The following GRID2 variants were observed in gnomAD, a reference collection of about 807,000 sequenced individuals.
GRID2 encodes glutamate receptor ionotropic, delta-2.
Under a neutral mutation model 114.8 loss-of-function variants are expected in GRID2, and 33 were observed. That is an observed-to-expected ratio of 0.29 (90% CI 0.22 to 0.38). The LOEUF is 0.38. Ranked by LOEUF, GRID2 falls within the 10% of genes least tolerant of loss-of-function variation. The pLI, the probability that GRID2 is intolerant of heterozygous loss-of-function variation, is 1.00. For missense variants in GRID2, 1,184 were observed against 1,257.7 expected (o/e 0.94, Z 0.89); for synonymous variants, 505 against 449.9 (o/e 1.12, Z -1.55).
chr4:92,449,695 ATATATATATATAT>A (rs1720794877), intron 1 of GRID2, among the ~76,000 whole-genome samples: 2 of 142,112 alleles, frequency 1.4e-5, no homozygotes, highest in African/African-American at 5.2e-5. Flanking sequence ...ATATATATAT[ATATATATATATAT>A]ATAACACTTA....
intron 1 of GRID2, among the ~76,000 whole-genome samples, chr4:92,394,629 TA>T (rs1264791123): frequency 3.9e-5 from 6 of 151,948 alleles, no homozygotes; most frequent in African/African-American, 1.4e-4. Flanking sequence ...CAATTAAACA[TA>T]AATTTCAAAA....
At chr4:93,752,564 G>T (rs1195256775) in intron 14 of GRID2, among the ~76,000 whole-genome samples, 2 of 152,012 alleles carry the variant, frequency 1.3e-5, no homozygotes, top group Admixed American at 6.6e-5. Context: ...TAGAGACAGG[G>T]TTTCACTGTG....
At chr4:93,056,069 A>G (rs1727206082) in intron 2 of GRID2, among the ~76,000 whole-genome samples, 1 of 151,958 alleles carries the variant, frequency 6.6e-6, no homozygotes, top group Non-Finnish European at 1.5e-5. Flanking sequence ...TGTGTGTTGC[A>G]GTGACATCTT....
rs562888485 is a variant in GRID2, at chr4:92,943,702, T to C, written c.245-141293T>C. Among the ~76,000 whole-genome samples, 3 of 152,256 alleles carry C rather than the reference T, an allele frequency of 2.0e-5. No homozygotes were observed. The South Asian group carries it at 6.2e-4, about 32-fold the overall frequency. On this transcript the variant is annotated intron_variant, in intron 2 of 15. Coordinates refer to ENST00000282020, the MANE Select transcript of GRID2 (RefSeq NM_001510.4). ...TTTCTGCTCTGTTTTTTCCCCATCT[T>C]TGTGGTTTTGTCTACTTTTGGTCTT...
intron 13 of GRID2, among the ~76,000 whole-genome samples, chr4:93,565,590 G>A (rs919207612): frequency 1.3e-5 from 2 of 152,026 alleles, no homozygotes; most frequent in Admixed American, 6.6e-5. Context: ...ATTTAAGAAC[G>A]AATCAATCTC....
At chr4:93,397,378 A>G (rs1357239077) in intron 9 of GRID2, among the ~76,000 whole-genome samples, 2 of 147,186 alleles carry the variant, frequency 1.4e-5, no homozygotes, top group Non-Finnish European at 3.1e-5. Flanking sequence ...TATTTAAAGT[A>G]CAGCAAATTA....
At chr4:93,397,851 G>A (rs1055855326) in intron 9 of GRID2, among the ~76,000 whole-genome samples, 3 of 151,804 alleles carry the variant, frequency 2.0e-5, no homozygotes, top group African/African-American at 7.3e-5. Flanking sequence ...TATGTAAGTA[G>A]TGGCTCTACC....
At chr4:93,552,252 G>C (rs933900340) in intron 13 of GRID2, among the ~76,000 whole-genome samples, 29 of 151,852 alleles carry the variant, frequency 1.9e-4, no homozygotes, top group African/African-American at 6.1e-4. Flanking sequence ...GTGTATATGT[G>C]CCACATTTTC....
intron 8 of GRID2, among the ~76,000 whole-genome samples, chr4:93,375,252 C>G (rs1014552574): frequency 7.1e-6 from 1 of 140,200 alleles, no homozygotes; most frequent in Non-Finnish European, 1.5e-5. Context: ...CTCACTCTAT[C>G]GCCCAGGCTG....
At chr4:93,792,261 T>C (rs1350585707) in intron 1 of GRID2, among the ~76,000 whole-genome samples, 1 of 152,148 alleles carries the variant, frequency 6.6e-6, no homozygotes, top group African/African-American at 2.4e-5. Context: ...TCTCTAACCC[T>C]TTCACCAATT....
At chr4:92,954,243 A>G (rs1052875333) in intron 2 of GRID2, among the ~76,000 whole-genome samples, 12 of 151,728 alleles carry the variant, frequency 7.9e-5, no homozygotes, top group Non-Finnish European at 1.8e-4. Context: ...ACATATATAT[A>G]TACAAACACA....
chr4:93,311,394 T>C (rs918855256), intron 8 of GRID2, among the ~76,000 whole-genome samples: 2 of 152,086 alleles, frequency 1.3e-5, no homozygotes, highest in African/African-American at 2.4e-5. Context: ...TAGGTCAGGG[T>C]ATGGATTAAC....
chr4:93,090,666 T>C (rs1168344973), intron 3 of GRID2, among the ~76,000 whole-genome samples: 2 of 152,174 alleles, frequency 1.3e-5, no homozygotes, highest in African/African-American at 2.4e-5. Flanking sequence ...TATATTATCT[T>C]CTGCTGATCT....
intron 2 of GRID2, among the ~76,000 whole-genome samples, chr4:92,891,881 A>G (rs752353084): frequency 5.3e-5 from 8 of 152,198 alleles, no homozygotes; most frequent in Admixed American, 4.6e-4. Context: ...TTTCAAGGGC[A>G]GTTCTGTGTC....
At chr4:92,650,289 C>T (rs1731863491) in intron 2 of GRID2, among the ~76,000 whole-genome samples, 1 of 151,376 alleles carries the variant, frequency 6.6e-6, no homozygotes. Flanking sequence ...ATTCCCTTTG[C>T]CTTCAACAAT....
intron 1 of GRID2, among the ~76,000 whole-genome samples, chr4:92,474,227 T>C (rs1372940316): frequency 6.6e-6 from 1 of 152,066 alleles, no homozygotes; most frequent in Non-Finnish European, 1.5e-5. Flanking sequence ...TTATATGAAT[T>C]TGGATTTTTT....
At chr4:92,641,755 C>T (rs1406201563) in intron 2 of GRID2, among the ~76,000 whole-genome samples, 1 of 151,496 alleles carries the variant, frequency 6.6e-6, no homozygotes, top group Non-Finnish European at 1.5e-5. Context: ...AGTATAGTAC[C>T]CAATAGGTAG....
At chr4:92,757,468 C>T (rs1190054679) in intron 2 of GRID2, among the ~76,000 whole-genome samples, 2 of 152,060 alleles carry the variant, frequency 1.3e-5, no homozygotes, top group African/African-American at 2.4e-5. Context: ...ATGTCAGGGG[C>T]TGCTTTTCTC....
In GRID2 at chr4:93,617,433, A is replaced by G. The variant is rs551245657; in HGVS notation, c.2194-8836A>G. On this transcript the variant is annotated intron_variant, in intron 13 of 15. Coordinates refer to ENST00000282020, the MANE Select transcript of GRID2 (RefSeq NM_001510.4). Reference sequence around the variant, plus strand: ...TTCCAAACTATGAGATTCAGTCTGCATATGTGTTTTTACATCGTTTTCCTC... The same window carrying G: ...TTCCAAACTATGAGATTCAGTCTGCGTATGTGTTTTTACATCGTTTTCCTC... Among the ~76,000 whole-genome samples, 25 of 152,306 alleles carry G rather than the reference A, an allele frequency of 1.6e-4. No individual in the cohort carries two copies. The East Asian group carries it at 4.8e-3, about 29-fold the overall frequency.
Sources: gnomAD v4.1 joint callset for allele counts (sites outside exome capture counted in the v4.1 genomes callset) on GRCh38, gnomAD v4.1.1 for gene constraint, MANE v1.5 for transcripts, NCBI Gene and HGNC (gene_info 2026-07-23, HGNC 2026-07-21) for gene names.